The following RGS7 variants were observed in gnomAD, a reference collection of about 807,000 sequenced individuals.
The protein encoded by RGS7 is regulator of G protein signaling 7, also known as regulator of G-protein signaling 7.
Under a neutral mutation model 81.1 loss-of-function variants are expected in RGS7, and 27 were observed. The ratio of observed to expected loss-of-function variants is 0.33; its 90% CI spans 0.25 to 0.46. RGS7 has a LOEUF of 0.46. RGS7 is among the 20% of genes least tolerant of loss of function. RGS7 has a pLI of 1.00. For synonymous variants in RGS7, 208 were observed against 207.7 expected (o/e 1.00, Z -0.01); for missense variants, 396 against 607.4 (o/e 0.65, Z 3.66).
chr1:240,971,288 G>C lies in RGS7; in HGVS notation c.226+11791C>G, dbSNP rs369953054. Among the ~76,000 whole-genome samples, 33 of 152,320 alleles carry C rather than the reference G, an allele frequency of 2.2e-4. 1 individual carries two copies. The highest frequency in any genetic ancestry group is 1.2e-3 in the East Asian group (6 of 5,178). On this transcript the variant is annotated intron_variant, in intron 4 of 18. Coordinates refer to ENST00000440928, the MANE Select transcript of RGS7 (RefSeq NM_001364886.1). ...TGGACTTCCCAGTTTCCCAAACTGT[G>C]AGAAATAAATCTTTCTGTTGTTTGA...
At chr1:241,130,981 G>A (rs1473882311) in intron 2 of RGS7, among the ~76,000 whole-genome samples, 1 of 151,028 alleles carries the variant, frequency 6.6e-6, no homozygotes, top group Non-Finnish European at 1.5e-5. Flanking sequence ...GGAAGAACTG[G>A]CTGTAACATC....
At chr1:241,151,167 T>C (rs138233688) in intron 2 of RGS7, among the ~76,000 whole-genome samples, 1 of 152,126 alleles carries the variant, frequency 6.6e-6, no homozygotes, top group Non-Finnish European at 1.5e-5. Context: ...CCAGAAACAA[T>C]GTTTCACCAG....
chr1:240,899,512 C>T (rs774100314), intron 6 of RGS7, among the ~76,000 whole-genome samples: 9 of 152,018 alleles, frequency 5.9e-5, no homozygotes, highest in South Asian at 2.1e-4. Flanking sequence ...ATTGCTTGTC[C>T]GTAAAGGATT....
chr1:241,192,744 C>CT (rs1278269689), intron 2 of RGS7, among the ~76,000 whole-genome samples: 1 of 152,158 alleles, frequency 6.6e-6, no homozygotes, highest in Non-Finnish European at 1.5e-5. Context: ...ATCAGGAGGA[C>CT]TTTCTCTTTC....
chr1:241,076,460 G>A (rs181448257), intron 3 of RGS7, among the ~76,000 whole-genome samples: 9 of 152,120 alleles, frequency 5.9e-5, no homozygotes, highest in Non-Finnish European at 7.3e-5. Flanking sequence ...CTCCTCACTC[G>A]GAGCAATCTC....
chr1:240,928,634 A>T (rs1335763922), intron 6 of RGS7, among the ~76,000 whole-genome samples: 1 of 132,072 alleles, frequency 7.6e-6, no homozygotes, highest in Non-Finnish European at 1.6e-5. Flanking sequence ...TTTTAGACGG[A>T]GTCTCACTCT....
chr1:240,811,869 T>A (rs1689904540), intron 14 of RGS7, 49 bp downstream of exon 14: 1 of 1,507,214 alleles, frequency 6.6e-7, no homozygotes, highest in East Asian at 2.3e-5. Flanking sequence ...ACCAGACACA[T>A]CACAGACAGT....
intron 6 of RGS7, among the ~76,000 whole-genome samples, chr1:240,898,132 C>A (rs192244587): frequency 1.4e-3 from 217 of 152,024 alleles, no homozygotes; most frequent in African/African-American, 4.9e-3. Flanking sequence ...GGTGATATAC[C>A]CTTTATCATT....
In RGS7 at chr1:240,938,604, G is replaced by T. The variant is rs79301519; in HGVS notation, c.227-1898C>A. Reference sequence around the variant, plus strand: ...CCTTGAAATTGTTATCTAGCATTTTGCAAACATTTCAATTGATAACTTCTA... The same window carrying T: ...CCTTGAAATTGTTATCTAGCATTTTTCAAACATTTCAATTGATAACTTCTA... On this transcript the variant is annotated intron_variant, in intron 4 of 18. Coordinates refer to ENST00000440928, the MANE Select transcript of RGS7 (RefSeq NM_001364886.1). 9.0e-3 allele frequency among the ~76,000 whole-genome samples: 1,371 copies of T among 152,206 alleles called. 17 individuals are homozygous for T. Among genetic ancestry groups the T allele is most frequent in the African/African-American group, 0.029 (1,210 of 41,536 alleles).
At chr1:240,802,372 A>G (rs1237902913) in intron 16 of RGS7, among the ~76,000 whole-genome samples, 2 of 152,198 alleles carry the variant, frequency 1.3e-5, no homozygotes, top group African/African-American at 4.8e-5. Flanking sequence ...CTTGGCTACC[A>G]TGCTAGGTGT....
chr1:241,295,904 A>C (rs924117163), intron 2 of RGS7, among the ~76,000 whole-genome samples: 1 of 152,220 alleles, frequency 6.6e-6, no homozygotes, highest in Non-Finnish European at 1.5e-5. Context: ...ACCGCCTGGG[A>C]GAAGACAGGA....
chr1:240,827,430 T>C (rs575562224), intron 9 of RGS7, among the ~76,000 whole-genome samples: 21 of 152,224 alleles, frequency 1.4e-4, no homozygotes, highest in Admixed American at 1.0e-3. Flanking sequence ...GAAAAAGAAA[T>C]ACTCGGACTG....
At chr1:240,826,284 TA>T (rs1212834560) in intron 10 of RGS7, among the ~76,000 whole-genome samples, 1 of 152,148 alleles carries the variant, frequency 6.6e-6, no homozygotes, top group African/African-American at 2.4e-5. Flanking sequence ...ACTTGGACCA[TA>T]TTGGGGCCTT....
chr1:241,184,439 G>A (rs551758898), intron 2 of RGS7, among the ~76,000 whole-genome samples: 1 of 152,198 alleles, frequency 6.6e-6, no homozygotes, highest in Non-Finnish European at 1.5e-5. Flanking sequence ...GCATCTCATA[G>A]GTAATGATAT....
chr1:240,812,107 A>G, intron 13 of RGS7, 64 bp from the exon 14 acceptor site: 1 of 1,578,818 alleles, frequency 6.3e-7, no homozygotes, highest in Non-Finnish European at 8.7e-7. Context: ...TTTTGTTATT[A>G]CATTCCCCTT....
chr1:241,277,829 C>T (rs2078277578), intron 2 of RGS7, among the ~76,000 whole-genome samples: 1 of 152,096 alleles, frequency 6.6e-6, no homozygotes, highest in Non-Finnish European at 1.5e-5. Flanking sequence ...CAAAACCTAC[C>T]AATAATTCTG....
chr1:240,781,075 AT>A (rs1285162457), intron 18 of RGS7, among the ~76,000 whole-genome samples: 1 of 150,398 alleles, frequency 6.6e-6, no homozygotes, highest in Non-Finnish European at 1.5e-5. Context: ...TTTTGTTTTT[AT>A]TTTTTCAAAT....
chr1:241,325,428 A>G (rs1317237337), intron 2 of RGS7, among the ~76,000 whole-genome samples: 1 of 152,216 alleles, frequency 6.6e-6, no homozygotes, highest in Non-Finnish European at 1.5e-5. Flanking sequence ...ACGCTAAGCT[A>G]TAAACATAAA....
intron 5 of RGS7, 75 bp from the exon 6 acceptor site, chr1:240,930,843 T>G: frequency 7.6e-7 from 1 of 1,323,952 alleles, no homozygotes; most frequent in Non-Finnish European, 1.1e-6. Context: ...GTGAATTACA[T>G]TTATCTTCCA....
Sources: allele counts gnomAD v4.1 joint callset (sites outside exome capture counted in the v4.1 genomes callset), GRCh38; gene constraint gnomAD v4.1.1; transcripts MANE v1.5; gene names NCBI Gene and HGNC (gene_info 2026-07-23, HGNC 2026-07-21).